The following EML1 variants were observed in gnomAD, a reference collection of about 807,000 sequenced individuals.
EML1 encodes the protein EMAP like 1, also known as echinoderm microtubule-associated protein-like 1.
In EML1, 27 loss-of-function variants were observed where a neutral mutation model predicts 110.4. The observed-to-expected ratio is 0.24, with a 90% CI of 0.18 to 0.34. EML1 has a LOEUF of 0.34. Among genes scored for constraint, EML1 ranks in the 10% least tolerant of loss-of-function variants. The probability of loss-of-function intolerance (pLI) is 1.00; values close to 1 mark genes in which losing one functional copy is unlikely to be tolerated. For missense variants in EML1, 741 were observed against 1,030.9 expected (o/e 0.72, Z 3.85); for synonymous variants, 344 against 385.8 (o/e 0.89, Z 1.27).
At chr14:99,917,737 T>C in intron 15 of EML1, 45 bp from the exon 16 acceptor site, 1 of 1,593,152 alleles carries the variant, frequency 6.3e-7, no homozygotes, top group Admixed American at 1.7e-5. Flanking sequence ...TATGCTATAG[T>C]GTTCTATCTG....
intron 3 of EML1, among the ~76,000 whole-genome samples, chr14:99,871,533 A>G (rs1436057762): frequency 6.6e-6 from 1 of 151,890 alleles, no homozygotes; most frequent in East Asian, 1.9e-4. Context: ...AAAAAAAAAG[A>G]ACATTTATGA....
At chr14:99,917,160 A>C (rs973610293) in intron 15 of EML1, among the ~76,000 whole-genome samples, 8 of 152,316 alleles carry the variant, frequency 5.3e-5, no homozygotes, top group African/African-American at 1.9e-4. Flanking sequence ...ACGGGGAGTC[A>C]ACTGAAGGGG....
intron 2 of EML1, among the ~76,000 whole-genome samples, chr14:99,861,576 G>C (rs181403222): frequency 5.9e-4 from 90 of 152,256 alleles, no homozygotes; most frequent in African/African-American, 2.2e-3. Flanking sequence ...CTGCCTCCCG[G>C]GTTCAAGCAA....
chr14:99,826,105 A>ATTTTTTTTTTTTT (rs71113225), intron 1 of EML1, among the ~76,000 whole-genome samples: 7 of 79,962 alleles, frequency 8.8e-5, no homozygotes, highest in African/African-American at 2.5e-4. Context: ...CTGTGCATTG[A>ATTTTTTTTTTTTT]TTTTTTTTTT....
At chr14:99,864,758 T>C (rs1028144018) in intron 2 of EML1, among the ~76,000 whole-genome samples, 16 of 150,396 alleles carry the variant, frequency 1.1e-4, no homozygotes, top group African/African-American at 3.7e-4. Context: ...TTGGCTGAGA[T>C]TGTGCCACTG....
chr14:99,815,333 G>A (rs775486804), intron 1 of EML1, among the ~76,000 whole-genome samples: 1 of 152,034 alleles, frequency 6.6e-6, no homozygotes, highest in Non-Finnish European at 1.5e-5. Flanking sequence ...AATAGAGACG[G>A]GGTTTCACTG....
intron 9 of EML1, 120 bp downstream of exon 9, chr14:99,901,159 A>G: frequency 2.5e-6 from 2 of 796,160 alleles, no homozygotes; most frequent in Non-Finnish European, 2.1e-6. Flanking sequence ...ACAGATTTGG[A>G]CTCTGAAACA....
At chr14:99,916,441 G>T (rs1419356660) in intron 15 of EML1, among the ~76,000 whole-genome samples, 1 of 152,192 alleles carries the variant, frequency 6.6e-6, no homozygotes, top group African/African-American at 2.4e-5. Flanking sequence ...AGATTATCCA[G>T]TGGATCTCAG....
chr14:99,889,109 G>A (rs1016138935), intron 4 of EML1, among the ~76,000 whole-genome samples: 1 of 152,170 alleles, frequency 6.6e-6, no homozygotes, highest in East Asian at 1.9e-4. Flanking sequence ...GGCAGCAGCT[G>A]GCCACCCCCG....
At chr14:99,841,526 C>T (rs1566892784) in intron 1 of EML1, among the ~76,000 whole-genome samples, 1 of 152,190 alleles carries the variant, frequency 6.6e-6, no homozygotes, top group Non-Finnish European at 1.5e-5. Context: ...AATCAGTGCT[C>T]TCTCTCTTGT....
At chr14:99,876,524 TC>T in intron 3 of EML1, among the ~76,000 whole-genome samples, 1 of 152,298 alleles carries the variant, frequency 6.6e-6, no homozygotes, top group Non-Finnish European at 1.5e-5. Flanking sequence ...TCAGCCCACG[TC>T]TTTAAACATT....
At chr14:99,757,610 G>T (rs990981468) in intron 1 of EML1, among the ~76,000 whole-genome samples, 1 of 152,196 alleles carries the variant, frequency 6.6e-6, no homozygotes, top group Non-Finnish European at 1.5e-5. Context: ...GCAAAGTTGA[G>T]TCATATGTGT....
At chr14:99,780,581 G>C (rs1267414359) in intron 1 of EML1, among the ~76,000 whole-genome samples, 1 of 152,144 alleles carries the variant, frequency 6.6e-6, no homozygotes, top group Non-Finnish European at 1.5e-5. Flanking sequence ...AGAGCTTCCT[G>C]CCAACAAGGA....
chr14:99,796,944 T>A (rs2057788455), intron 1 of EML1, among the ~76,000 whole-genome samples: 1 of 136,014 alleles, frequency 7.4e-6, no homozygotes, highest in Non-Finnish European at 1.6e-5. Flanking sequence ...TGTGAGAGAG[T>A]AATAGCTTTA....
chr14:99,739,117 AGAGTGTGTGTGT>A (rs1205063263), intron 1 of EML1, among the ~76,000 whole-genome samples: 50 of 64,048 alleles, frequency 7.8e-4, no homozygotes, highest in Non-Finnish European at 1.1e-3. Flanking sequence ...AGAGAGAGAG[AGAGTGTGTGTGT>A]GTGTGTGTGT....
chr14:99,772,407 C>T (rs1196610791), upstream of EML1, among the ~76,000 whole-genome samples: 1 of 152,214 alleles, frequency 6.6e-6, no homozygotes, highest in East Asian at 1.9e-4. Context: ...AGGGCTGCTT[C>T]TCTTGCTTCC....
At chr14:99,744,693 C>T (rs2057084410) in intron 1 of EML1, among the ~76,000 whole-genome samples, 1 of 152,252 alleles carries the variant, frequency 6.6e-6, no homozygotes, top group Non-Finnish European at 1.5e-5. Context: ...CTTTTCAAAA[C>T]ATCGCTCCCT....
At chr14:99,893,108 G>T (rs959763669) in intron 5 of EML1, among the ~76,000 whole-genome samples, 1 of 152,184 alleles carries the variant, frequency 6.6e-6, no homozygotes, top group Non-Finnish European at 1.5e-5. Flanking sequence ...GTAGAGGGGG[G>T]CAAAGAGACA....
chr14:99,829,618 G>A (rs1376633366), intron 1 of EML1, among the ~76,000 whole-genome samples: 1 of 152,106 alleles, frequency 6.6e-6, no homozygotes, highest in East Asian at 1.9e-4. Flanking sequence ...CAATGAAGCA[G>A]CACCTCCCCA....
Sources: gnomAD v4.1 joint callset for allele counts (sites outside exome capture counted in the v4.1 genomes callset) on GRCh38, gnomAD v4.1.1 for gene constraint, MANE v1.5 for transcripts, NCBI Gene and HGNC (gene_info 2026-07-23, HGNC 2026-07-21) for gene names.